CTNNA3: variants seen among roughly 807,000 people sequenced by gnomAD.
CTNNA3 encodes catenin alpha 3.
A neutral mutation model predicts 95.7 loss-of-function variants in CTNNA3; 76 were observed. The observed-to-expected ratio is 0.79, with a 90% CI of 0.66 to 0.96. CTNNA3 has a LOEUF of 0.96. CTNNA3 is among the 40% of genes least tolerant of loss of function. The pLI is 0.00. For synonymous variants in CTNNA3, 431 were observed against 374.4 expected (o/e 1.15, Z -1.74); for missense variants, 1,191 against 1,089.8 (o/e 1.09, Z -1.31).
intron 13 of CTNNA3, among the ~76,000 whole-genome samples, chr10:66,185,422 T>C (rs568998987): frequency 6.6e-6 from 1 of 152,126 alleles, no homozygotes; most frequent in South Asian, 2.1e-4. Context: ...AACAAAATAT[T>C]GAAATGAGCT....
rs1000338866 is a variant in CTNNA3 at position 66,051,753 on chromosome 10, T to C, written c.2159+17555A>G. ...TTATTCCTATTTTTCTTGCAGACTA[T>C]CAATTCTATCAGTTCAGAAACATGA... On this transcript the variant is annotated intron_variant, in intron 15 of 17. Coordinates refer to ENST00000433211, the MANE Select transcript of CTNNA3 (RefSeq NM_013266.4). Among the ~76,000 whole-genome samples the C allele has an allele frequency of 7.9e-5, 12 of 152,182 alleles. No individual in the cohort carries two copies. The East Asian group carries it at 1.9e-3, about 24-fold the overall frequency.
chr10:66,313,237 T>C lies in CTNNA3; in HGVS notation c.1733-32616A>G, dbSNP rs146026323. Among the ~76,000 whole-genome samples the C allele has an allele frequency of 8.7e-3, 1,318 of 152,278 alleles. 12 individuals carry two copies. The highest frequency in any genetic ancestry group is 0.014 in the Non-Finnish European group (934 of 68,014). On this transcript the variant is annotated intron_variant, in intron 12 of 17. Transcript: ENST00000433211. ...TATTATCTTTGAAGCTCAAATAAGATTAAAACCAGTACCAAGATAGATAGC... is the reference window on the plus strand; with the variant it reads ...TATTATCTTTGAAGCTCAAATAAGACTAAAACCAGTACCAAGATAGATAGC...
At chr10:66,437,924 GT>G (rs1252904053) in intron 11 of CTNNA3, among the ~76,000 whole-genome samples, 2 of 152,124 alleles carry the variant, frequency 1.3e-5, no homozygotes, top group Non-Finnish European at 2.9e-5. Context: ...ATTGCTTTCT[GT>G]TTGTTAGTTT....
intron 6 of CTNNA3, among the ~76,000 whole-genome samples, chr10:67,206,300 T>C: frequency 6.6e-6 from 1 of 152,312 alleles, no homozygotes; most frequent in Non-Finnish European, 1.5e-5. Flanking sequence ...GATTTCTTTA[T>C]GTCTCTGCAT....
chr10:67,400,028 C>G (rs1011681719), intron 5 of CTNNA3, among the ~76,000 whole-genome samples: 7 of 152,056 alleles, frequency 4.6e-5, no homozygotes, highest in Non-Finnish European at 1.5e-5. Context: ...ATTAACTCAT[C>G]ATTTAGCATT....
At chr10:67,645,512 C>A (rs1309087205) in intron 2 of CTNNA3, among the ~76,000 whole-genome samples, 1 of 152,122 alleles carries the variant, frequency 6.6e-6, no homozygotes, top group African/African-American at 2.4e-5. Context: ...CCTATTCCTA[C>A]TCCTTATAAT....
chr10:66,775,648 A>T (rs1840265799), intron 7 of CTNNA3, 124 bp from the exon 8 acceptor site: 3 of 636,018 alleles, frequency 4.7e-6, no homozygotes, highest in Non-Finnish European at 8.4e-6. Flanking sequence ...AAACTGCTAT[A>T]TTATATATGA....
intron 11 of CTNNA3, among the ~76,000 whole-genome samples, chr10:66,486,033 G>A (rs1468493941): frequency 6.6e-6 from 1 of 152,056 alleles, no homozygotes; most frequent in African/African-American, 2.4e-5. Flanking sequence ...ATACAATTAG[G>A]CCCTTCTCTC....
At chr10:65,983,330 T>G in intron 16 of CTNNA3, among the ~76,000 whole-genome samples, 1 of 151,680 alleles carries the variant, frequency 6.6e-6, no homozygotes, top group Non-Finnish European at 1.5e-5. Flanking sequence ...GCTAATTTTA[T>G]TTTGGCTCCT....
At chr10:67,598,733 A>G (rs1057214813) in intron 3 of CTNNA3, among the ~76,000 whole-genome samples, 8 of 152,200 alleles carry the variant, frequency 5.3e-5, no homozygotes, top group South Asian at 2.1e-4. Flanking sequence ...CCACTGGGAC[A>G]GCATAGGGCA....
At chr10:65,925,291 C>A (rs963046659) in intron 17 of CTNNA3, among the ~76,000 whole-genome samples, 2 of 152,112 alleles carry the variant, frequency 1.3e-5, no homozygotes, top group African/African-American at 2.4e-5. Flanking sequence ...CAGACAACAA[C>A]AATAAAATCG....
At chr10:66,774,636 A>C (rs187993904) in intron 8 of CTNNA3, among the ~76,000 whole-genome samples, 1 of 152,338 alleles carries the variant, frequency 6.6e-6, no homozygotes, top group South Asian at 2.1e-4. Flanking sequence ...TCTTGCCATT[A>C]AACTACGATA....
chr10:66,623,612 G>T (rs1844828533), intron 9 of CTNNA3, among the ~76,000 whole-genome samples: 1 of 151,960 alleles, frequency 6.6e-6, no homozygotes, highest in Non-Finnish European at 1.5e-5. Context: ...AAAGTTTTCT[G>T]CTCAGTCATC....
At chr10:67,153,256 G>A (rs995558673) in intron 7 of CTNNA3, among the ~76,000 whole-genome samples, 6 of 152,168 alleles carry the variant, frequency 3.9e-5, no homozygotes, top group East Asian at 1.9e-4. Context: ...GATTACAGGC[G>A]TGAGCCACCA....
intron 17 of CTNNA3, among the ~76,000 whole-genome samples, chr10:65,923,538 A>T (rs530231757): frequency 1.3e-5 from 2 of 152,374 alleles, no homozygotes; most frequent in African/African-American, 4.8e-5. Flanking sequence ...AATGCTAAAC[A>T]GCCAGGGTGG....
intron 5 of CTNNA3, among the ~76,000 whole-genome samples, chr10:67,357,047 T>C (rs1258677551): frequency 6.6e-6 from 1 of 152,100 alleles, no homozygotes; most frequent in East Asian, 1.9e-4. Context: ...TCCAACATTT[T>C]CTCTACCATC....
chr10:66,768,250 T>A (rs1251247672), intron 8 of CTNNA3, among the ~76,000 whole-genome samples: 1 of 152,186 alleles, frequency 6.6e-6, no homozygotes, highest in African/African-American at 2.4e-5. Context: ...CTTCTTTCAT[T>A]CTAATTGAGA....
At chr10:67,677,150 C>G (rs4522060) in intron 1 of CTNNA3, among the ~76,000 whole-genome samples, 67,733 of 151,972 alleles carry the variant, frequency 0.45, 18,937 homozygotes, top group African/African-American at 0.8. Flanking sequence ...GGCAAGCTTT[C>G]TCAAGTTAGA....
intron 9 of CTNNA3, among the ~76,000 whole-genome samples, chr10:66,748,028 GA>G (rs1838958627): frequency 6.6e-6 from 1 of 152,128 alleles, no homozygotes; most frequent in African/African-American, 2.4e-5. Context: ...ATTTCTTAAA[GA>G]AAGCTGGTGT....
Sources: allele counts gnomAD v4.1 joint callset (sites outside exome capture counted in the v4.1 genomes callset), GRCh38; gene constraint gnomAD v4.1.1; transcripts MANE v1.5; gene names NCBI Gene and HGNC (gene_info 2026-07-23, HGNC 2026-07-21).